The following RHOBTB3 variants were observed in gnomAD, a reference collection of about 807,000 sequenced individuals.
The protein encoded by RHOBTB3 is rho-related BTB domain-containing protein 3.
RHOBTB3 carries 47 observed loss-of-function variants against 67.2 expected under a neutral mutation model. The observed-to-expected ratio is 0.70, with a 90% CI of 0.55 to 0.89. The LOEUF is 0.89. RHOBTB3 is among the 40% of genes least tolerant of loss of function. RHOBTB3 has a pLI of 0.00. For missense variants in RHOBTB3, 631 were observed against 750.0 expected (o/e 0.84, Z 1.85); for synonymous variants, 273 against 274.2 (o/e 1.00, Z 0.04).
intron 2 of RHOBTB3, among the ~76,000 whole-genome samples, chr5:95,734,338 A>T (rs1464423420): frequency 6.6e-6 from 1 of 152,170 alleles, no homozygotes; most frequent in Admixed American, 6.5e-5. Context: ...TGTGGCTCCA[A>T]GCCTTGTGTT....
At chr5:95,733,694 C>G (rs1319866580) in intron 2 of RHOBTB3, among the ~76,000 whole-genome samples, 1 of 152,128 alleles carries the variant, frequency 6.6e-6, no homozygotes, top group African/African-American at 2.4e-5. Flanking sequence ...TAACCAGGTA[C>G]AATTTTCTAG....
Position 95,755,409 on chromosome 5 carries a change from C to A in RHOBTB3, c.696C>A (p.Val232=). The change falls in exon 6 of 12, where the codon GTC becomes GTA. Residue 232 remains valine (V), a synonymous_variant. Coordinates refer to ENST00000379982, the MANE Select transcript of RHOBTB3 (RefSeq NM_014899.4). ...PQLEQPEKMP[V]LKAEASHYNS... is the part of the protein sequence containing the mutation. Reference sequence around the variant, plus strand: ...TTTTCAAAACAGAAAAAATGCCTGTCTTAAAGGCTGAAGCGTCACATTATA... The same window carrying A: ...TTTTCAAAACAGAAAAAATGCCTGTATTAAAGGCTGAAGCGTCACATTATA... 1.3e-6 allele frequency: 2 copies of A among 1,552,534 alleles called. No homozygotes were observed. Among genetic ancestry groups the A allele is most frequent in the Non-Finnish European group, 1.7e-6 (2 of 1,151,852 alleles).
intron 1 of RHOBTB3, among the ~76,000 whole-genome samples, chr5:95,718,545 G>A (rs1219729075): frequency 3.9e-5 from 6 of 152,178 alleles, no homozygotes; most frequent in Non-Finnish European, 8.8e-5. Context: ...TAGAGACAGG[G>A]GTAAGTGAGA....
chr5:95,725,650 A>G (rs1755032002), intron 1 of RHOBTB3, among the ~76,000 whole-genome samples: 1 of 152,270 alleles, frequency 6.6e-6, no homozygotes, highest in African/African-American at 2.4e-5. Context: ...TCAAGCTGCT[A>G]TAAAATTCTT....
At position 95,795,554 on chromosome 5, in the gene RHOBTB3, TG is replaced by T. The variant is rs1450482209; in HGVS notation, c.*2382del. 1 of 152,228 alleles carries T rather than the reference TG, an allele frequency of 6.6e-6. No individual in the cohort carries two copies. Among genetic ancestry groups the T allele is most frequent in the African/African-American group, 2.4e-5 (1 of 41,454 alleles). 9.4% of individuals were successfully genotyped at this position (152,228 alleles called of 1,614,324 possible). On this transcript the variant is annotated 3_prime_UTR_variant, in exon 12 of 12. Transcript: ENST00000379982. ...TTCCTTAAGGTTGTTTGACCTGAAG[TG>T]GAGTTGGGTTTGGAAGCTGGTGCCC... is the stretch of plus-strand genomic sequence containing the variant.
Position 95,748,373 on chromosome 5 carries a change from A to T in RHOBTB3, c.456A>T (p.Arg152Ser). The change falls in exon 4 of 12, where the codon AGA becomes AGT. Residue 152 changes from arginine to serine, a missense_variant. Coordinates refer to ENST00000379982, the MANE Select transcript of RHOBTB3 (RefSeq NM_014899.4). ...PCTCPLCTSDRGSCVSTTEGI... is the reference protein window; with the variant it reads ...PCTCPLCTSDSGSCVSTTEGI... The stretch of plus-strand genomic sequence containing the variant: ...CATGCCCACTATGTACCTCAGACAG[A>T]GGGAGCTGTGTTAGTACAACTGAAG... 6.2e-7 allele frequency: 1 copy of T among 1,613,066 alleles called. No individual in the cohort carries two copies. Among genetic ancestry groups the T allele is most frequent in the South Asian group, 1.1e-5 (1 of 90,978 alleles).
At chr5:95,790,537 CT>C (rs1746351843) in intron 11 of RHOBTB3, among the ~76,000 whole-genome samples, 1 of 152,152 alleles carries the variant, frequency 6.6e-6, no homozygotes, top group Non-Finnish European at 1.5e-5. Context: ...ACCCAATTAC[CT>C]ATAAAGTATG....
intron 7 of RHOBTB3, among the ~76,000 whole-genome samples, chr5:95,764,474 C>T (rs1745485928): frequency 6.6e-6 from 1 of 152,090 alleles, no homozygotes; most frequent in African/African-American, 2.4e-5. Flanking sequence ...TTGTATATTG[C>T]CATAGACTGG....
chr5:95,770,493 C>T (rs569035617), intron 8 of RHOBTB3: 36 of 334,126 alleles, frequency 1.1e-4, no homozygotes, highest in African/African-American at 6.6e-4. Flanking sequence ...AATTGTGCAG[C>T]GTTCCTCAGA....
intron 3 of RHOBTB3, among the ~76,000 whole-genome samples, chr5:95,740,071 A>T (rs937170120): frequency 1.3e-5 from 2 of 152,098 alleles, no homozygotes; most frequent in Non-Finnish European, 2.9e-5. Context: ...CATGATAGTG[A>T]GTAAGTCTCA....
At chr5:95,790,529 C>T (rs990272190) in intron 11 of RHOBTB3, among the ~76,000 whole-genome samples, 4 of 152,068 alleles carry the variant, frequency 2.6e-5, no homozygotes, top group Non-Finnish European at 4.4e-5. Context: ...ATGGTATTAC[C>T]CAATTACCTA....
chr5:95,750,096 G>A (rs1745045736), intron 4 of RHOBTB3, among the ~76,000 whole-genome samples: 1 of 152,210 alleles, frequency 6.6e-6, no homozygotes, highest in Admixed American at 6.5e-5. Flanking sequence ...TTCTAGTAAA[G>A]TACAACTGGG....
chr5:95,743,530 T>G (rs185752763), intron 3 of RHOBTB3, among the ~76,000 whole-genome samples: 151 of 152,186 alleles, frequency 9.9e-4, no homozygotes, highest in Non-Finnish European at 1.9e-3. Flanking sequence ...ACTGCCTGCC[T>G]TCATTCTCTC....
At chr5:95,740,823 G>A (rs1182231169) in intron 3 of RHOBTB3, among the ~76,000 whole-genome samples, 2 of 152,092 alleles carry the variant, frequency 1.3e-5, no homozygotes, top group Admixed American at 1.3e-4. Flanking sequence ...AAGTTGACAA[G>A]AATAAGACAT....
intron 3 of RHOBTB3, among the ~76,000 whole-genome samples, chr5:95,741,055 G>A (rs1363826458): frequency 6.6e-6 from 1 of 152,060 alleles, no homozygotes; most frequent in African/African-American, 2.4e-5. Context: ...CTGGCCAGGC[G>A]CAGTGGCTCA....
At chr5:95,728,166 T>C (rs1038121312), upstream of RHOBTB3, among the ~76,000 whole-genome samples, 2 of 152,246 alleles carry the variant, frequency 1.3e-5, no homozygotes, top group African/African-American at 4.8e-5. Flanking sequence ...TTGGTGAGTA[T>C]GTAGCCAGGC....
rs1746275396 is a variant in RHOBTB3, at chr5:95,788,116, G to A, written c.1624-646G>A. On this transcript the variant is annotated intron_variant, in intron 10 of 11. Transcript: ENST00000379982. ...TGTCATCTGCATTGGTGGTTGGATGGATCAGTGAGTGTCACTGGATGGGCA... is the reference window on the plus strand; with the variant it reads ...TGTCATCTGCATTGGTGGTTGGATGAATCAGTGAGTGTCACTGGATGGGCA... Among the ~76,000 whole-genome samples, 3 of 152,256 alleles carry A rather than the reference G, an allele frequency of 2.0e-5. No individual in the cohort carries two copies. The South Asian group carries it at 6.2e-4, about 31-fold the overall frequency.
At chr5:95,779,888 G>A in intron 8 of RHOBTB3, 1 of 199,098 alleles carries the variant, frequency 5.0e-6, no homozygotes, top group Non-Finnish European at 1.0e-5. Context: ...TTTCTTGGGA[G>A]GCACATGGGC....
intron 8 of RHOBTB3, among the ~76,000 whole-genome samples, chr5:95,772,036 G>A (rs1745730238): frequency 6.6e-6 from 1 of 152,178 alleles, no homozygotes; most frequent in Admixed American, 6.5e-5. Flanking sequence ...GCTGGAGATG[G>A]CTGAATGCTG....
Sources: gnomAD v4.1 joint callset for allele counts (sites outside exome capture counted in the v4.1 genomes callset) on GRCh38, gnomAD v4.1.1 for gene constraint, MANE v1.5 for transcripts, NCBI Gene and HGNC (gene_info 2026-07-23, HGNC 2026-07-21) for gene names.